DLGAP1: variants seen among roughly 807,000 people sequenced by gnomAD.
The protein encoded by DLGAP1 is DLG associated protein 1.
A neutral mutation model predicts 90.8 loss-of-function variants in DLGAP1; 11 were observed. That is an observed-to-expected ratio of 0.12 (90% CI 0.08 to 0.20). DLGAP1 has a LOEUF of 0.20. Ranked by LOEUF, DLGAP1 falls within the 10% of genes least tolerant of loss-of-function variation. DLGAP1 has a pLI of 1.00. For synonymous variants in DLGAP1, 558 were observed against 540.7 expected (o/e 1.03, Z -0.44); for missense variants, 1,050 against 1,333.8 (o/e 0.79, Z 3.31).
chr18:3,904,061 T>G (rs530770123), intron 3 of DLGAP1, among the ~76,000 whole-genome samples: 4 of 152,244 alleles, frequency 2.6e-5, no homozygotes, highest in African/African-American at 9.6e-5. Context: ...TTCCTGACCC[T>G]AGTCTAGTGA....
intron 10 of DLGAP1, among the ~76,000 whole-genome samples, chr18:3,522,231 G>A (rs923856608): frequency 1.3e-5 from 2 of 150,540 alleles, no homozygotes; most frequent in Non-Finnish European, 2.9e-5. Context: ...CCGCCTCCCG[G>A]ATTCAAGTGA....
chr18:4,062,428 T>G (rs1025326195), intron 2 of DLGAP1, among the ~76,000 whole-genome samples: 2 of 152,164 alleles, frequency 1.3e-5, no homozygotes, highest in Admixed American at 6.5e-5. Flanking sequence ...AAGTAAAGAA[T>G]GTCACTTTCT....
At chr18:3,978,586 T>A in intron 3 of DLGAP1, 1 of 228,592 alleles carries the variant, frequency 4.4e-6, no homozygotes. Flanking sequence ...CACGACCAAG[T>A]TCGTTTACTC....
intron 1 of DLGAP1, among the ~76,000 whole-genome samples, chr18:4,243,235 A>G (rs1447570925): frequency 1.7e-5 from 1 of 59,970 alleles, no homozygotes; most frequent in Non-Finnish European, 5.6e-5. Context: ...GTTCCTTAAT[A>G]GTTCTTTTCG....
chr18:3,555,239 A>C (rs2053683016), intron 9 of DLGAP1, among the ~76,000 whole-genome samples: 1 of 152,170 alleles, frequency 6.6e-6, no homozygotes, highest in African/African-American at 2.4e-5. Flanking sequence ...CATTAACATC[A>C]ATTTCAATGC....
rs532600018 is a variant in DLGAP1 at position 3,809,277 on chromosome 18, A to G, written c.1172+4782T>C. Reference sequence around the variant, plus strand: ...CCGCCCAAGTGGTGCCATCCACGCTAAGAGACTGAGACTCTCATTTACGAG... The same window carrying G: ...CCGCCCAAGTGGTGCCATCCACGCTGAGAGACTGAGACTCTCATTTACGAG... On this transcript the variant is annotated intron_variant, in intron 5 of 12. Transcript: ENST00000315677. Among the ~76,000 whole-genome samples, 5 of 152,282 alleles carry G rather than the reference A, an allele frequency of 3.3e-5. No homozygotes were observed. In the East Asian group the frequency reaches 9.6e-4, roughly 29 times the overall value.
intron 1 of DLGAP1, among the ~76,000 whole-genome samples, chr18:4,410,173 A>G (rs543980651): frequency 6.6e-6 from 1 of 152,274 alleles, no homozygotes; most frequent in East Asian, 1.9e-4. Flanking sequence ...GAGAGGGGCA[A>G]AGGATAAAAG....
chr18:3,747,950 C>T (rs1271709669), intron 5 of DLGAP1, among the ~76,000 whole-genome samples: 1 of 152,146 alleles, frequency 6.6e-6, no homozygotes, highest in Non-Finnish European at 1.5e-5. Flanking sequence ...TAAATAAACA[C>T]CAAAATAGTG....
intron 9 of DLGAP1, among the ~76,000 whole-genome samples, chr18:3,556,369 C>T (rs2053750262): frequency 6.6e-6 from 1 of 152,158 alleles, no homozygotes; most frequent in Non-Finnish European, 1.5e-5. Flanking sequence ...TCCACCGTTG[C>T]ATTATACATT....
intron 7 of DLGAP1, among the ~76,000 whole-genome samples, chr18:3,723,863 A>T (rs566270951): frequency 1.3e-5 from 2 of 152,276 alleles, no homozygotes; most frequent in African/African-American, 4.8e-5. Context: ...CAAAAATCAA[A>T]CTGTAAATAC....
At chr18:4,061,361 A>C (rs1031972721) in intron 2 of DLGAP1, among the ~76,000 whole-genome samples, 6 of 119,166 alleles carry the variant, frequency 5.0e-5, no homozygotes, top group African/African-American at 3.5e-5. Flanking sequence ...GAAGTTGTGG[A>C]AGGTTTGTGA....
intron 7 of DLGAP1, among the ~76,000 whole-genome samples, chr18:3,599,745 G>T (rs561241830): frequency 6.6e-6 from 1 of 151,940 alleles, no homozygotes; most frequent in African/African-American, 2.4e-5. Context: ...TCAGCCTCCC[G>T]AGTAGCTGGG....
At chr18:3,741,041 C>A in intron 6 of DLGAP1, among the ~76,000 whole-genome samples, 1 of 101,924 alleles carries the variant, frequency 9.8e-6, no homozygotes, top group Admixed American at 9.2e-5. Context: ...ACCACCATCA[C>A]CTCACCACCA....
chr18:3,898,994 C>T (rs1412929295), intron 3 of DLGAP1, among the ~76,000 whole-genome samples: 1 of 152,030 alleles, frequency 6.6e-6, no homozygotes, highest in African/African-American at 2.4e-5. Flanking sequence ...CACCTCTCAG[C>T]TTAACCTGCA....
At chr18:4,252,698 G>C (rs2078807811) in intron 1 of DLGAP1, among the ~76,000 whole-genome samples, 6 of 152,058 alleles carry the variant, frequency 3.9e-5, no homozygotes, top group Admixed American at 3.3e-4. Context: ...CTTCAATTTC[G>C]ACCGTAATAA....
intron 1 of DLGAP1, among the ~76,000 whole-genome samples, chr18:4,376,629 C>T (rs945326930): frequency 6.6e-6 from 1 of 152,100 alleles, no homozygotes; most frequent in Non-Finnish European, 1.5e-5. Flanking sequence ...CTTTCTATAT[C>T]AGAAGAATAA....
chr18:4,384,687 G>A (rs956838842), intron 1 of DLGAP1, among the ~76,000 whole-genome samples: 4 of 151,592 alleles, frequency 2.6e-5, no homozygotes, highest in African/African-American at 4.9e-5. Flanking sequence ...TCAGAATGCC[G>A]ACCAATCGAG....
chr18:4,220,315 T>TTA lies in DLGAP1; in HGVS notation c.-266-69029_-266-69028insTA, dbSNP rs1598648409. ...TTCCTTCTTTTTCCAGTTTAGATTC[T>TTA]ATGGCTCATAATTTCATTAAGACTC... is the stretch of plus-strand genomic sequence containing the variant. On this transcript the variant is annotated intron_variant, in intron 1 of 12. Coordinates refer to ENST00000315677, the MANE Select transcript of DLGAP1 (RefSeq NM_004746.4). Among the ~76,000 whole-genome samples, 20 of 152,288 alleles carry TTA rather than the reference T, an allele frequency of 1.3e-4. No homozygotes were observed. In the East Asian group the frequency reaches 3.9e-3, roughly 29 times the overall value.
rs7238545 is a variant in DLGAP1, at chr18:4,108,888, G to A, written c.-159+42292C>T. Among the ~76,000 whole-genome samples, 323 of 151,856 alleles carry A rather than the reference G, an allele frequency of 2.1e-3. 1 individual carries two copies. The highest frequency in any genetic ancestry group is 6.7e-3 in the African/African-American group (277 of 41,370). ...AAACCTATTTCTACCTCCAAATAAT[G>A]GAAGGGCTGTCACATGAAAGAATGA... On this transcript the variant is annotated intron_variant, in intron 2 of 12. Transcript: ENST00000315677.
Sources: allele counts gnomAD v4.1 joint callset (sites outside exome capture counted in the v4.1 genomes callset), GRCh38; gene constraint gnomAD v4.1.1; transcripts MANE v1.5; gene names NCBI Gene and HGNC (gene_info 2026-07-23, HGNC 2026-07-21).